Variants in CLDND1 observed in about 807,000 individuals in gnomAD.
CLDND1 encodes the protein claudin domain containing 1.
A neutral mutation model predicts 26.3 loss-of-function variants in CLDND1; 13 were observed. That is an observed-to-expected ratio of 0.49 (90% CI 0.32 to 0.78). The LOEUF (loss-of-function observed/expected upper bound fraction) is 0.78. Among genes scored for constraint, CLDND1 ranks in the 30% least tolerant of loss-of-function variants. CLDND1 has a pLI of 0.03. For synonymous variants in CLDND1, 107 were observed against 107.0 expected (o/e 1.00, Z 0.00); for missense variants, 289 against 312.8 (o/e 0.92, Z 0.57).
chr3:98,521,145 G>A lies in CLDND1; in HGVS notation c.280C>T (p.Pro94Ser), dbSNP rs749027329. The A allele has an allele frequency of 2.5e-6, 4 of 1,609,172 alleles. 1 individual carries two copies. In the South Asian group the frequency reaches 3.3e-5, roughly 13 times the overall value. ...IPKNMHWYSP[P>S]ERTESFDVVT... ...ATAAGAGAAATACCTGTCCTTTCTG[G>A]TGGGCTATACCAATGCATGTTTTTG... Residue 94 changes from proline (P) to serine (S), a missense_variant, in exon 2 of 5, where the codon CCA (proline) becomes TCA (serine). By Grantham distance (74) the Pro-to-Ser change is moderately conservative. Transcript: ENST00000341181.
chr3:98,521,032 G>A, intron 2 of CLDND1, 101 bp downstream of exon 2: 1 of 999,480 alleles, frequency 1.0e-6, no homozygotes, highest in South Asian at 1.6e-5. Context: ...TAAGGAGAGA[G>A]AGAACCAACA....
At chr3:98,517,301 T>C (rs1706185311) in intron 3 of CLDND1, 112 bp from the exon 4 acceptor site, 20 of 1,257,076 alleles carry the variant, frequency 1.6e-5, no homozygotes, top group Non-Finnish European at 2.1e-5. Flanking sequence ...AGTGTGAAAG[T>C]ATTTTAACAT....
intron 2 of CLDND1, chr3:98,520,842 CAT>C (rs1306242812): frequency 6.6e-6 from 2 of 303,536 alleles, no homozygotes; most frequent in Non-Finnish European, 6.0e-6. Context: ...TTCTTTATAA[CAT>C]GTGTTAGAGT....
intron 1 of CLDND1, chr3:98,521,686 T>C (rs1257132986): frequency 4.3e-6 from 7 of 1,613,158 alleles, no homozygotes; most frequent in Admixed American, 1.7e-5. Context: ...TCTTGTTCTC[T>C]AGTCTATCAC....
Position 98,516,126 on chromosome 3 carries a change from G to A in CLDND1, c.*533C>T, listed in dbSNP as rs144826203. The A allele has an allele frequency of 6.0e-5, 64 of 1,067,514 alleles. No homozygotes were observed. Among genetic ancestry groups the A allele is most frequent in the Admixed American group, 5.3e-4 (11 of 20,908 alleles). The allele number at this position is 1,067,514 out of a possible 1,614,324, so 66.1% of individuals were successfully genotyped here. A position where few individuals can be genotyped will look rare whatever the true frequency, so the allele number is the denominator to read the frequency against. On this transcript the variant is annotated 3_prime_UTR_variant, in exon 5 of 5. Transcript: ENST00000341181. ...GCTGCCATATCTCACCTCAGATGAA[G>A]CTATGTGTCAATGCTTAGGGAAAAT...
intron 4 of CLDND1, 76 bp downstream of exon 4, chr3:98,516,976 C>T: frequency 1.2e-6 from 2 of 1,607,120 alleles, no homozygotes; most frequent in South Asian, 2.2e-5. Flanking sequence ...AATACGTGAA[C>T]ATTTCAGATT....
chr3:98,516,439 A>G lies in CLDND1; in HGVS notation c.*220T>C. On this transcript the variant is annotated 3_prime_UTR_variant, in exon 5 of 5. Transcript: ENST00000341181. ...TATCCATTTCTTTCTGTCTAGACCT[A>G]GATTAGTTTATTTGAAAGATGGCAT... The G allele has an allele frequency of 7.5e-7, 1 of 1,334,636 alleles. No homozygotes were observed. The highest frequency in any genetic ancestry group is 9.6e-7 in the Non-Finnish European group (1 of 1,046,244). 82.7% of individuals were successfully genotyped at this position (1,334,636 alleles called of 1,614,324 possible). A position where few individuals can be genotyped will look rare whatever the true frequency, so the allele number is the denominator to read the frequency against.
At position 98,515,613 on chromosome 3, in the gene CLDND1, A is replaced by G; in HGVS notation, c.*1046T>C. 9.3e-7 allele frequency: 1 copy of G among 1,079,468 alleles called. No homozygotes were observed. Among genetic ancestry groups the G allele is most frequent in the Non-Finnish European group, 1.1e-6 (1 of 870,258 alleles). 66.9% of individuals were successfully genotyped at this position (1,079,468 alleles called of 1,614,324 possible). On this transcript the variant is annotated 3_prime_UTR_variant, in exon 5 of 5. Transcript: ENST00000341181. ...AAATAAATAAGTTTTTTAAAGTTCA[A>G]TGTTTATAGACATACTTATAAAAAA...
Position 98,516,361 on chromosome 3 carries a change from T to C in CLDND1, c.*298A>G, listed in dbSNP as rs1706136834. On this transcript the variant is annotated 3_prime_UTR_variant, in exon 5 of 5. Transcript: ENST00000341181. ...TCTAACAGACATTAGCACAACTTGTTTTCGGTCACATTCCTACTCCCAATT... is the reference window on the plus strand; with the variant it reads ...TCTAACAGACATTAGCACAACTTGTCTTCGGTCACATTCCTACTCCCAATT... 3 of 1,128,676 alleles carry C rather than the reference T, an allele frequency of 2.7e-6. No homozygotes were observed. Among genetic ancestry groups the C allele is most frequent in the Non-Finnish European group, 3.3e-6 (3 of 921,048 alleles). The allele number at this position is 1,128,676 out of a possible 1,614,324, so 69.9% of individuals were successfully genotyped here.
chr3:98,521,575 T>G (rs1706411729), intron 1 of CLDND1, 133 bp from the exon 2 acceptor site: 2 of 1,508,532 alleles, frequency 1.3e-6, no homozygotes, highest in Non-Finnish European at 1.8e-6. Flanking sequence ...AGAATTTTTT[T>G]TAGAAAGCAA....
At chr3:98,518,743 G>C (rs1407445886) in intron 3 of CLDND1, 142 bp downstream of exon 3, 3 of 606,968 alleles carry the variant, frequency 4.9e-6, no homozygotes, top group Non-Finnish European at 8.9e-6. Context: ...CAACAGAATA[G>C]AGTTCACTGG....
In CLDND1 at chr3:98,516,259, C is replaced by T. The variant is rs1187772496; in HGVS notation, c.*400G>A. Reference sequence around the variant, plus strand: ...CAGCAAAGTGAACATAAAGTTTTGACGATGAGAGGTTTCCCAAAGAAACTA... The same window carrying T: ...CAGCAAAGTGAACATAAAGTTTTGATGATGAGAGGTTTCCCAAAGAAACTA... On this transcript the variant is annotated 3_prime_UTR_variant, in exon 5 of 5. Transcript: ENST00000341181. 3.7e-5 allele frequency: 38 copies of T among 1,025,070 alleles called. No individual in the cohort carries two copies. The highest frequency in any genetic ancestry group is 7.4e-5 in the South Asian group (2 of 27,052). The allele number at this position is 1,025,070 out of a possible 1,614,324, so 63.5% of individuals were successfully genotyped here. A position where few individuals can be genotyped will look rare whatever the true frequency, so the allele number is the denominator to read the frequency against.
In CLDND1 at chr3:98,518,929, A is replaced by G; in HGVS notation, c.359T>C (p.Val120Ala). The G allele has an allele frequency of 6.2e-7, 1 of 1,613,974 alleles. No individual in the cohort carries two copies. Among genetic ancestry groups the G allele is most frequent in the Non-Finnish European group, 8.5e-7 (1 of 1,179,832 alleles). ...CCCGCTATTGTGGTTTCCGGGATCAACAAATTTCTCCATGAACTGCTCAGT... is the reference window on the plus strand; with the variant it reads ...CCCGCTATTGTGGTTTCCGGGATCAGCAAATTTCTCCATGAACTGCTCAGT... ...TLTEQFMEKF[V>A]DPGNHNSGID... The change falls in exon 3 of 5, where the codon GTT becomes GCT. Residue 120 changes from valine to alanine, a missense_variant. By Grantham distance (64) the Val-to-Ala change is moderately conservative (BLOSUM62 0). Coordinates refer to ENST00000341181, the MANE Select transcript of CLDND1 (RefSeq NM_001040181.2).
In CLDND1 at chr3:98,522,834, G is replaced by C. The variant is rs756919523; in HGVS notation, c.-19+15C>G. The C allele has an allele frequency of 6.2e-7, 1 of 1,613,784 alleles. No homozygotes were observed. The highest frequency in any genetic ancestry group is 8.5e-7 in the Non-Finnish European group (1 of 1,179,754). On this transcript the variant is annotated intron_variant, in intron 1 of 4. Coordinates refer to ENST00000341181, the MANE Select transcript of CLDND1 (RefSeq NM_001040181.2). ...ACGCGACCCCTGCCCGGCGACGCAGGTCCCGCTCACTCACCGCCCATCCTC... is the reference window on the plus strand; with the variant it reads ...ACGCGACCCCTGCCCGGCGACGCAGCTCCCGCTCACTCACCGCCCATCCTC...
Position 98,516,577 on chromosome 3 carries a change from A to G in CLDND1, c.*82T>C. 1 of 1,473,824 alleles carries G rather than the reference A, an allele frequency of 6.8e-7. No homozygotes were observed. Among genetic ancestry groups the G allele is most frequent in the Non-Finnish European group, 9.0e-7 (1 of 1,110,202 alleles). The allele number at this position is 1,473,824 out of a possible 1,614,324, so 91.3% of individuals were successfully genotyped here. ...AATGGTATATCCACAAATAAAAATTAAAAACAATTGAGAGGTGGGGAAAAT... is the reference window on the plus strand; with the variant it reads ...AATGGTATATCCACAAATAAAAATTGAAAACAATTGAGAGGTGGGGAAAAT... On this transcript the variant is annotated 3_prime_UTR_variant, in exon 5 of 5. Transcript: ENST00000341181.
chr3:98,521,170 G>C lies in CLDND1; in HGVS notation c.255C>G (p.Pro85=). The C allele has an allele frequency of 6.2e-7, 1 of 1,613,992 alleles. No homozygotes were observed. Among genetic ancestry groups the C allele is most frequent in the South Asian group, 1.1e-5 (1 of 91,078 alleles). The change falls in exon 2 of 5, where the codon CCC becomes CCG. Residue 85 remains proline (P), a synonymous_variant. Coordinates refer to ENST00000341181, the MANE Select transcript of CLDND1 (RefSeq NM_001040181.2). ...VGLWRRCITI[P]KNMHWYSPPE... ...GTGGGCTATACCAATGCATGTTTTTGGGTATGGTGATACACCGTCTCCACA... is the reference window on the plus strand; with the variant it reads ...GTGGGCTATACCAATGCATGTTTTTCGGTATGGTGATACACCGTCTCCACA...
Position 98,515,718 on chromosome 3 carries a change from C to CA in CLDND1, c.*940dup. On this transcript the variant is annotated 3_prime_UTR_variant, in exon 5 of 5. Transcript: ENST00000341181. Reference sequence around the variant, plus strand: ...GGCAAGGAAAGGCACATCATATTACCACAAGAAATAAAGACCATAGTTGGA... The same window carrying CA: ...GGCAAGGAAAGGCACATCATATTACCAACAAGAAATAAAGACCATAGTTGGA... The CA allele has an allele frequency of 1.6e-6, 2 of 1,289,170 alleles. No individual in the cohort carries two copies. The highest frequency in any genetic ancestry group is 2.0e-6 in the Non-Finnish European group (2 of 988,578). 79.9% of individuals were successfully genotyped at this position (1,289,170 alleles called of 1,614,324 possible). A position where few individuals can be genotyped will look rare whatever the true frequency, so the allele number is the denominator to read the frequency against.
chr3:98,516,473 G>A lies in CLDND1; in HGVS notation c.*186C>T, dbSNP rs1170966834. On this transcript the variant is annotated 3_prime_UTR_variant, in exon 5 of 5. Transcript: ENST00000341181. Reference sequence around the variant, plus strand: ...TATTTGAAAGATGGCATCGCTTAAAGTAAACCACATAAATTTTAGTGGTAT... The same window carrying A: ...TATTTGAAAGATGGCATCGCTTAAAATAAACCACATAAATTTTAGTGGTAT... The A allele has an allele frequency of 1.4e-5, 19 of 1,385,910 alleles. No individual in the cohort carries two copies. The highest frequency in any genetic ancestry group is 1.7e-5 in the Non-Finnish European group (18 of 1,075,244). 85.9% of individuals were successfully genotyped at this position (1,385,910 alleles called of 1,614,324 possible).
At position 98,517,162 on chromosome 3, in the gene CLDND1, G is replaced by C; in HGVS notation, c.431C>G (p.Pro144Arg). 1.2e-6 allele frequency: 2 copies of C among 1,613,602 alleles called. No individual in the cohort carries two copies. Among genetic ancestry groups the C allele is most frequent in the Non-Finnish European group, 8.5e-7 (1 of 1,179,874 alleles). ...GCACATCAAACCTAAACTCACAAAAGGTAAAAGGAACTGGCAACGCCAAAG... is the reference window on the plus strand; with the variant it reads ...GCACATCAAACCTAAACTCACAAAACGTAAAAGGAACTGGCAACGCCAAAG... ...TYLWRCQFLLPFVSLGLMCFG... is the reference protein window; with the variant it reads ...TYLWRCQFLLRFVSLGLMCFG... The change falls in exon 4 of 5, where the codon CCT becomes CGT. Residue 144 changes from proline (P) to arginine (R), a missense_variant. Transcript: ENST00000341181.
Sources: allele counts gnomAD v4.1 joint callset, GRCh38; gene constraint gnomAD v4.1.1; transcripts MANE v1.5; gene names NCBI Gene and HGNC (gene_info 2026-07-23, HGNC 2026-07-21).